The following ABITRAM variants were observed in gnomAD, a reference collection of about 807,000 sequenced individuals.
ABITRAM encodes actin binding transcription modulator, also known as protein Abitram.
Under a neutral mutation model 22.9 loss-of-function variants are expected in ABITRAM, and 19 were observed. The ratio of observed to expected loss-of-function variants is 0.83; its 90% CI spans 0.58 to 1.22. The LOEUF (loss-of-function observed/expected upper bound fraction) is 1.22. Ranked by LOEUF, ABITRAM falls within the 50% of genes most tolerant of loss-of-function variation. The pLI is 0.00. For synonymous variants in ABITRAM, 70 were observed against 73.9 expected (o/e 0.95, Z 0.27); for missense variants, 215 against 220.2 (o/e 0.98, Z 0.15).
rs1375096443 is a variant in ABITRAM at position 108,940,233 on chromosome 9, T to G, written c.*547T>G. 1 of 152,486 alleles carries G rather than the reference T, an allele frequency of 6.6e-6. No homozygotes were observed. The highest frequency in any genetic ancestry group is 1.5e-5 in the Non-Finnish European group (1 of 68,268). 9.4% of individuals were successfully genotyped at this position (152,486 alleles called of 1,614,324 possible). On this transcript the variant is annotated 3_prime_UTR_variant, in exon 6 of 6. Transcript: ENST00000322940. The stretch of plus-strand genomic sequence containing the variant: ...AGGGCCAACTGCAGGACTTGAGTTC[T>G]CACGTATGGATTTGGGTATATGTGG...
At chr9:108,944,070 G>A (rs781648479), downstream of ABITRAM, 48 of 1,471,572 alleles carry the variant, frequency 3.3e-5, no homozygotes, top group Non-Finnish European at 4.4e-5. Context: ...ATGGATAGTT[G>A]GTAAGAAATA....
intron 3 of ABITRAM, among the ~76,000 whole-genome samples, chr9:108,938,791 G>A (rs1368297256): frequency 6.6e-6 from 1 of 151,996 alleles, no homozygotes; most frequent in Admixed American, 6.5e-5. Flanking sequence ...ATTAAAATGA[G>A]GTAGAAATCT....
downstream of ABITRAM, among the ~76,000 whole-genome samples, chr9:108,945,639 T>TTG (rs1564118825): frequency 5.0e-3 from 762 of 151,032 alleles, 10 homozygotes; most frequent in African/African-American, 0.018. Context: ...TTTTTTTTTT[T>TTG]TTTGTTTTGT....
At chr9:108,941,291 A>G (rs991725981), downstream of ABITRAM, among the ~76,000 whole-genome samples, 2 of 152,122 alleles carry the variant, frequency 1.3e-5, no homozygotes, top group Non-Finnish European at 1.5e-5. Context: ...CGATGGTGCT[A>G]TTAGCTGAAA....
chr9:108,942,786 T>C, downstream of ABITRAM: 2 of 1,611,990 alleles, frequency 1.2e-6, no homozygotes, highest in Non-Finnish European at 1.7e-6. Flanking sequence ...TTACTATCCA[T>C]AGTGTCCTTA....
chr9:108,938,421 C>T (rs1026946949), intron 3 of ABITRAM, among the ~76,000 whole-genome samples: 15 of 152,160 alleles, frequency 9.9e-5, no homozygotes, highest in African/African-American at 3.6e-4. Context: ...ACACATGAAA[C>T]ATGCCTGCAC....
downstream of ABITRAM, among the ~76,000 whole-genome samples, chr9:108,945,741 C>A (rs1415451152): frequency 6.6e-6 from 1 of 151,836 alleles, no homozygotes; most frequent in Non-Finnish European, 1.5e-5. Context: ...TCCCAAAGTG[C>A]TAGGGTTACA....
downstream of ABITRAM, among the ~76,000 whole-genome samples, chr9:108,941,254 C>G (rs182256529): frequency 6.6e-6 from 1 of 151,966 alleles, no homozygotes; most frequent in Non-Finnish European, 1.5e-5. Context: ...AGACATGATA[C>G]ATGTAGTAAG....
At chr9:108,936,932 G>C (rs1212887198) in intron 3 of ABITRAM, among the ~76,000 whole-genome samples, 1 of 152,052 alleles carries the variant, frequency 6.6e-6, no homozygotes, top group East Asian at 1.9e-4. Context: ...GGAGACCAAG[G>C]TGGGTGGATC....
chr9:108,950,395 A>G, intron 3 of ABITRAM: 1 of 1,152,224 alleles, frequency 8.7e-7, no homozygotes, highest in Non-Finnish European at 1.2e-6. Context: ...AATGGAAGGA[A>G]ACCACCAAAG....
downstream of ABITRAM, chr9:108,943,147 C>G (rs1830294084): frequency 9.5e-7 from 1 of 1,055,196 alleles, no homozygotes; most frequent in South Asian, 1.7e-5. Flanking sequence ...ATATGGAAAT[C>G]TAAGGGATCT....
At position 108,947,119 on chromosome 9, in the gene ABITRAM, T is replaced by C. The variant is rs111476748; in HGVS notation, c.262-3388T>C. On this transcript the variant is annotated intron_variant, in intron 3 of 3. Coordinates refer to the ABITRAM transcript ENST00000374624. ...TAAAGTGATAGAAATTTCTTTCTTTTTTTTTTTTTTTTGAGATGGAGTCTT... is the reference window on the plus strand; with the variant it reads ...TAAAGTGATAGAAATTTCTTTCTTTCTTTTTTTTTTTTGAGATGGAGTCTT... 3.2e-3 allele frequency among the ~76,000 whole-genome samples: 484 copies of C among 150,578 alleles called. 3 individuals are homozygous for C. Among genetic ancestry groups the C allele is most frequent in the African/African-American group, 1.0e-2 (410 of 41,164 alleles).
At position 108,939,510 on chromosome 9, in the gene ABITRAM, T is replaced by C. The variant is rs752787595; in HGVS notation, c.409-39T>C. The C allele has an allele frequency of 4.4e-6, 7 of 1,605,060 alleles. 1 individual carries two copies. In the East Asian group the frequency reaches 1.6e-4, roughly 36 times the overall value. ...CCACATACCTTTTATTGGTTTTTTT[T>C]TCATCGTTTGACAGTACTAAATGTT... On this transcript the variant is annotated intron_variant, in intron 5 of 5. Coordinates refer to ENST00000322940, the MANE Select transcript of ABITRAM (RefSeq NM_017832.4).
chr9:108,942,958 C>T (rs1830286981), downstream of ABITRAM: 4 of 1,611,554 alleles, frequency 2.5e-6, no homozygotes, highest in Non-Finnish European at 3.4e-6. Context: ...AAAACTACCT[C>T]ACCTTCTTCA....
chr9:108,950,563 A>G, exon 4 of ABITRAM: 1 of 1,550,422 alleles, frequency 6.4e-7, no homozygotes, highest in Non-Finnish European at 8.7e-7. Context: ...TGATGCCTCT[A>G]AGCTTGGGAC....
chr9:108,934,581 T>C lies in ABITRAM; in HGVS notation c.79+16T>C. On this transcript the variant is annotated intron_variant, in intron 1 of 5. Transcript: ENST00000322940. ...TACAAACCGGGTAAGTGCGGAGTGA[T>C]GTTGATCCCTCCTTGGCCGCACTGG... is the stretch of plus-strand genomic sequence containing the variant. 9 of 1,595,156 alleles carry C rather than the reference T, an allele frequency of 5.6e-6. No individual in the cohort carries two copies. The highest frequency in any genetic ancestry group is 6.8e-6 in the Non-Finnish European group (8 of 1,171,966).
At chr9:108,950,581 T>C (rs1338077062) in exon 4 of ABITRAM, 1 of 1,550,230 alleles carries the variant, frequency 6.5e-7, no homozygotes, top group Non-Finnish European at 8.7e-7. Context: ...GACTGCATCT[T>C]CCCCACTCTT....
chr9:108,936,244 T>C (rs1024108048), intron 2 of ABITRAM, 64 bp from the exon 3 acceptor site: 1 of 1,558,896 alleles, frequency 6.4e-7, no homozygotes, highest in Non-Finnish European at 8.7e-7. Context: ...CTTGTTCCAA[T>C]AGGAGTTATG....
intron 4 of ABITRAM, 48 bp from the exon 5 acceptor site, chr9:108,939,336 AT>A (rs554132031): frequency 1.3e-5 from 20 of 1,587,560 alleles, no homozygotes; most frequent in South Asian, 3.5e-5. Flanking sequence ...CTTAGAAACA[AT>A]TTTTTTTAAC....
Sources: allele counts gnomAD v4.1 joint callset (sites outside exome capture counted in the v4.1 genomes callset), GRCh38; gene constraint gnomAD v4.1.1; transcripts MANE v1.5; gene names NCBI Gene and HGNC (gene_info 2026-07-23, HGNC 2026-07-21).